The following GPR176 variants were observed in gnomAD, a reference collection of about 807,000 sequenced individuals.
GPR176 encodes G-protein coupled receptor 176.
A neutral mutation model predicts 35.4 loss-of-function variants in GPR176; 26 were observed. That is an observed-to-expected ratio of 0.74 (90% CI 0.54 to 1.02). The LOEUF (loss-of-function observed/expected upper bound fraction) is 1.02, where lower values mean the gene tolerates loss of function less well. GPR176 is among the 50% of genes least tolerant of loss of function. The pLI is 0.00. For missense variants in GPR176, 597 were observed against 665.3 expected, an observed-to-expected ratio of 0.90 and a Z score of 1.13; for synonymous variants, 278 against 271.3, an observed-to-expected ratio of 1.02 and a Z score of -0.24.
At chr15:39,819,994 G>A (rs1188938465) in intron 1 of GPR176, among the ~76,000 whole-genome samples, 7 of 152,194 alleles carry the variant, frequency 4.6e-5, no homozygotes, top group African/African-American at 7.2e-5. Context: ...AGTAGGCAAG[G>A]CAGGAGAAAA....
intron 1 of GPR176, among the ~76,000 whole-genome samples, chr15:39,887,483 C>T (rs561146884): frequency 1.3e-5 from 2 of 151,820 alleles, no homozygotes; most frequent in South Asian, 2.1e-4. Flanking sequence ...AGGTGAGAAA[C>T]AGCAGGGGCA....
intron 1 of GPR176, among the ~76,000 whole-genome samples, chr15:39,826,180 A>G (rs1900634108): frequency 6.6e-6 from 1 of 152,206 alleles, no homozygotes; most frequent in Admixed American, 6.5e-5. Flanking sequence ...GGAAAGCTTC[A>G]ATCCACAACA....
chr15:39,898,683 T>C (rs1705962754), intron 1 of GPR176, among the ~76,000 whole-genome samples: 3 of 152,054 alleles, frequency 2.0e-5, no homozygotes, highest in South Asian at 2.1e-4. Context: ...GGGATGTCAC[T>C]ACAAGAAGCC....
rs114232197 is a variant in GPR176 at position 39,920,175 on chromosome 15, C to T, written c.-149G>A. ...GACGGGTCCCCTCACGTCTCCACAT[C>T]GCCAACCCCGGCGCCCGGGAGGCGG... On this transcript the variant is annotated 5_prime_UTR_variant, in exon 1 of 3. Coordinates refer to ENST00000561100, the MANE Select transcript of GPR176 (RefSeq NM_007223.3). 4.5e-3 allele frequency: 2,152 copies of T among 476,672 alleles called. 37 individuals are homozygous for T. Among genetic ancestry groups the T allele is most frequent in the African/African-American group, 0.039 (1,954 of 50,026 alleles). The allele number at this position is 476,672 out of a possible 1,614,324, so 29.5% of individuals were successfully genotyped here.
intron 1 of GPR176, among the ~76,000 whole-genome samples, chr15:39,869,087 G>A (rs2031946096): frequency 6.8e-6 from 1 of 147,122 alleles, no homozygotes; most frequent in South Asian, 2.1e-4. Context: ...AAAGCACTGT[G>A]TATACACTCC....
Position 39,799,552 on chromosome 15 carries a change from G to C in GPR176, c.*1580C>G, listed in dbSNP as rs974749675. 2.6e-5 allele frequency: 4 copies of C among 152,382 alleles called. No individual in the cohort carries two copies. Among genetic ancestry groups the C allele is most frequent in the African/African-American group, 7.2e-5 (3 of 41,558 alleles). The allele number at this position is 152,382 out of a possible 1,614,324, so 9.4% of individuals were successfully genotyped here. ...GAAAGGAAAACAAAACTCCCTACAG[G>C]GTCTGGGCTCCCTCCAAGAGACGGG... On this transcript the variant is annotated 3_prime_UTR_variant, in exon 3 of 3. Coordinates refer to ENST00000561100, the MANE Select transcript of GPR176 (RefSeq NM_007223.3).
intron 1 of GPR176, chr15:39,894,371 C>T (rs2033021725): frequency 6.5e-6 from 1 of 153,006 alleles, no homozygotes; most frequent in African/African-American, 2.4e-5. Flanking sequence ...GACCCCCCCA[C>T]CTCCCTCCCG....
At position 39,799,195 on chromosome 15, in the gene GPR176, A is replaced by C. The variant is rs190812634; in HGVS notation, c.*1937T>G. ...ACATATACAGTATATTATCAGAACA[A>C]CACCAAAGTGGCTACACTTGACAGA... On this transcript the variant is annotated 3_prime_UTR_variant, in exon 3 of 3. Coordinates refer to ENST00000561100, the MANE Select transcript of GPR176 (RefSeq NM_007223.3). 7.9e-5 allele frequency: 12 copies of C among 152,392 alleles called. No homozygotes were observed. The highest frequency in any genetic ancestry group is 1.2e-4 in the Non-Finnish European group (8 of 68,044). 9.4% of individuals were successfully genotyped at this position (152,392 alleles called of 1,614,324 possible).
At chr15:39,833,666 T>C (rs1901230471) in intron 1 of GPR176, among the ~76,000 whole-genome samples, 1 of 152,204 alleles carries the variant, frequency 6.6e-6, no homozygotes, top group Non-Finnish European at 1.5e-5. Context: ...GTGAATTACA[T>C]GTCAATAAAG....
chr15:39,886,245 G>T (rs1566962642), intron 1 of GPR176, among the ~76,000 whole-genome samples: 2 of 151,448 alleles, frequency 1.3e-5, no homozygotes, highest in South Asian at 4.2e-4. Context: ...AAAAAAAAAA[G>T]AAAGAAAGAA....
intron 1 of GPR176, among the ~76,000 whole-genome samples, chr15:39,840,038 A>G (rs1220465354): frequency 2.0e-5 from 3 of 152,146 alleles, no homozygotes; most frequent in Admixed American, 6.6e-5. Context: ...CTGGTGGGAG[A>G]GTAAATTAGT....
intron 1 of GPR176, among the ~76,000 whole-genome samples, chr15:39,840,775 A>C (rs1249158765): frequency 1.3e-5 from 2 of 152,090 alleles, no homozygotes; most frequent in African/African-American, 4.8e-5. Context: ...AAATAAAACC[A>C]CAGAAAAAAA....
chr15:39,893,726 C>CA lies in GPR176; in HGVS notation c.172+26128_172+26129insT, dbSNP rs1326816779. On this transcript the variant is annotated intron_variant, in intron 1 of 2. Transcript: ENST00000561100. The stretch of plus-strand genomic sequence containing the variant: ...CTCCCGGGCGGGGCGGCTGGCCGGG[C>CA]GGGGGGCTGACCCCCCCACCTCCCT... Among the ~76,000 whole-genome samples, 5 of 134,192 alleles carry CA rather than the reference C, an allele frequency of 3.7e-5. No individual in the cohort carries two copies. The East Asian group carries it at 9.4e-4, about 25-fold the overall frequency. The allele number at this position is 134,192 out of a possible 152,430, so 88.0% of individuals were successfully genotyped here.
chr15:39,848,832 A>G (rs2030634829), intron 1 of GPR176, among the ~76,000 whole-genome samples: 1 of 151,764 alleles, frequency 6.6e-6, no homozygotes. Flanking sequence ...TGAGAGAGAA[A>G]TTTACACTAC....
At chr15:39,820,909 C>G (rs981779935) in intron 1 of GPR176, among the ~76,000 whole-genome samples, 1 of 152,106 alleles carries the variant, frequency 6.6e-6, no homozygotes, top group African/African-American at 2.4e-5. Flanking sequence ...TTTGTATAAG[C>G]ATTTCCCAGT....
At chr15:39,825,312 G>A (rs973359570) in intron 1 of GPR176, among the ~76,000 whole-genome samples, 1 of 152,124 alleles carries the variant, frequency 6.6e-6, no homozygotes, top group Non-Finnish European at 1.5e-5. Context: ...TTTCATACAT[G>A]TCTCTGTGAA....
At chr15:39,829,838 TCTA>T (rs912342519) in intron 1 of GPR176, among the ~76,000 whole-genome samples, 1 of 152,160 alleles carries the variant, frequency 6.6e-6, no homozygotes, top group African/African-American at 2.4e-5. Flanking sequence ...TCTAAGTTGT[TCTA>T]CTACCTAAAG....
chr15:39,919,127 G>A (rs1034648190), intron 1 of GPR176, among the ~76,000 whole-genome samples: 2 of 152,192 alleles, frequency 1.3e-5, no homozygotes, highest in African/African-American at 4.8e-5. Flanking sequence ...TCTCACACTA[G>A]TAGGCTAATA....
At chr15:39,829,166 C>G in intron 1 of GPR176, 1 of 1,533,146 alleles carries the variant, frequency 6.5e-7, no homozygotes, top group Non-Finnish European at 8.7e-7. Flanking sequence ...ATCACTACGT[C>G]ACACTGCCTT....
Sources: allele counts gnomAD v4.1 joint callset (sites outside exome capture counted in the v4.1 genomes callset), GRCh38; gene constraint gnomAD v4.1.1; transcripts MANE v1.5; gene names NCBI Gene and HGNC (gene_info 2026-07-23, HGNC 2026-07-21).